Variants in RIMBP2 observed in about 807,000 individuals in gnomAD.
RIMBP2 encodes RIMS-binding protein 2.
A neutral mutation model predicts 118.6 loss-of-function variants in RIMBP2; 48 were observed. The observed-to-expected ratio is 0.40, with a 90% confidence interval of 0.32 to 0.51. The LOEUF is 0.51. Ranked by LOEUF, RIMBP2 falls within the 20% of genes least tolerant of loss-of-function variation. The pLI, the probability that RIMBP2 is intolerant of heterozygous loss-of-function variation, is 0.41. For synonymous variants in RIMBP2, 762 were observed against 742.9 expected (o/e 1.03, Z -0.42); for missense variants, 1,551 against 1,768.3 (o/e 0.88, Z 2.20).
At chr12:130,462,796 C>T (rs1400278639) in intron 6 of RIMBP2, among the ~76,000 whole-genome samples, 2 of 152,264 alleles carry the variant, frequency 1.3e-5, no homozygotes, top group Non-Finnish European at 2.9e-5. Context: ...GGAATGTACC[C>T]TCTCCTGCCT....
intron 4 of RIMBP2, among the ~76,000 whole-genome samples, chr12:130,482,923 C>T (rs1370582580): frequency 1.0e-5 from 1 of 100,228 alleles, no homozygotes; most frequent in Non-Finnish European, 2.0e-5. Context: ...CATCCAAATA[C>T]ACCCATTGTG....
chr12:130,441,791 AG>A, intron 11 of RIMBP2, 56 bp downstream of exon 11: 9 of 1,481,546 alleles, frequency 6.1e-6, no homozygotes, highest in Non-Finnish European at 8.3e-6. Context: ...CCCCACTAGC[AG>A]GGTGACATCC....
At chr12:130,470,829 G>A (rs1593423631) in intron 5 of RIMBP2, 86 bp from the exon 6 acceptor site, 3 of 687,492 alleles carry the variant, frequency 4.4e-6, no homozygotes, top group East Asian at 6.9e-5. Context: ...ACTGGGGGTG[G>A]GGGATCATTT....
chr12:130,517,878 G>A lies in RIMBP2; in HGVS notation c.-177C>T, dbSNP rs898499783. ...GGAAGGCCTGCATGATGGGATCTCA[G>A]GAGATACTCTCCCTGGGTGGCATCC... On this transcript the variant is annotated 5_prime_UTR_variant, in exon 3 of 23. Coordinates refer to ENST00000690449, the MANE Select transcript of RIMBP2 (RefSeq NM_001393629.1). 25 of 985,704 alleles carry A rather than the reference G, an allele frequency of 2.5e-5. No homozygotes were observed. The highest frequency in any genetic ancestry group is 3.6e-6 in the Non-Finnish European group (3 of 829,916). 61.1% of individuals were successfully genotyped at this position (985,704 alleles called of 1,614,324 possible). A position where few individuals can be genotyped will look rare whatever the true frequency, so the allele number is the denominator to read the frequency against.
chr12:130,573,690 C>G (rs2057874079), intron 2 of RIMBP2, among the ~76,000 whole-genome samples: 1 of 151,968 alleles, frequency 6.6e-6, no homozygotes, highest in Admixed American at 6.6e-5. Flanking sequence ...CAGGGGTAGC[C>G]AAGGACATGG....
At chr12:130,435,730 T>G (rs1218680104) in intron 13 of RIMBP2, among the ~76,000 whole-genome samples, 1 of 152,244 alleles carries the variant, frequency 6.6e-6, no homozygotes, top group African/African-American at 2.4e-5. Flanking sequence ...TAGTGGCCAA[T>G]GTCGAACGAA....
At chr12:130,624,612 A>G (rs982046255) in intron 2 of RIMBP2, among the ~76,000 whole-genome samples, 3 of 152,218 alleles carry the variant, frequency 2.0e-5, no homozygotes, top group African/African-American at 4.8e-5. Flanking sequence ...TACTTTATAC[A>G]TCTCTGTGAG....
intron 4 of RIMBP2, among the ~76,000 whole-genome samples, chr12:130,483,407 AAAAT>A (rs1052387883): frequency 3.9e-4 from 59 of 152,378 alleles, no homozygotes; most frequent in African/African-American, 1.3e-3. Flanking sequence ...TAAAAAATTA[AAAAT>A]AAATAAATAA....
rs1271867347 is a variant in RIMBP2, at chr12:130,688,609, G to A, written c.-352+27613C>T. Among the ~76,000 whole-genome samples the A allele has an allele frequency of 3.3e-5, 5 of 151,730 alleles. No individual in the cohort carries two copies. Among genetic ancestry groups the A allele is most frequent in the East Asian group, 3.9e-4 (2 of 5,102 alleles). On this transcript the variant is annotated intron_variant, in intron 1 of 22. Transcript: ENST00000690449. The surrounding 1 kb of genome is among the most constrained non-coding windows in gnomAD (Gnocchi z 4.7). ...CCTTAGGACTCTGAGCACAGCCGGCGGGCATTCTCCCAGCCCTGCAGCAGG... is the reference window on the plus strand; with the variant it reads ...CCTTAGGACTCTGAGCACAGCCGGCAGGCATTCTCCCAGCCCTGCAGCAGG...
chr12:130,492,493 A>T (rs966967789), intron 4 of RIMBP2, among the ~76,000 whole-genome samples: 1 of 152,154 alleles, frequency 6.6e-6, no homozygotes, highest in Non-Finnish European at 1.5e-5. Context: ...TTGGTCTTTG[A>T]TCCTAAAGCC....
At chr12:130,663,320 A>G (rs965011460) in intron 1 of RIMBP2, among the ~76,000 whole-genome samples, 1 of 152,236 alleles carries the variant, frequency 6.6e-6, no homozygotes, top group Non-Finnish European at 1.5e-5. Flanking sequence ...GGAGGGGGCC[A>G]GGCACCTGTT....
At chr12:130,645,179 C>G (rs2062803734) in intron 1 of RIMBP2, among the ~76,000 whole-genome samples, 1 of 151,852 alleles carries the variant, frequency 6.6e-6, no homozygotes. Flanking sequence ...AGCCTCCGTC[C>G]ACCTCCCAGG....
At chr12:130,551,164 CA>C (rs1364252989) in intron 2 of RIMBP2, among the ~76,000 whole-genome samples, 1 of 152,140 alleles carries the variant, frequency 6.6e-6, no homozygotes, top group African/African-American at 2.4e-5. Context: ...GCAGGAATTA[CA>C]AAAAGGAGGG....
At chr12:130,474,223 G>GA (rs2081249025) in intron 5 of RIMBP2, among the ~76,000 whole-genome samples, 1 of 152,194 alleles carries the variant, frequency 6.6e-6, no homozygotes, top group African/African-American at 2.4e-5. Context: ...GTCACATGGA[G>GA]AAAACAATGG....
intron 1 of RIMBP2, among the ~76,000 whole-genome samples, chr12:130,681,128 C>T (rs1274485181): frequency 6.6e-6 from 1 of 152,070 alleles, no homozygotes; most frequent in Non-Finnish European, 1.5e-5. Context: ...GTAAAAGTAG[C>T]TTCCCATACT....
At chr12:130,463,594 G>A (rs1006398045) in intron 6 of RIMBP2, among the ~76,000 whole-genome samples, 1 of 152,094 alleles carries the variant, frequency 6.6e-6, no homozygotes, top group Non-Finnish European at 1.5e-5. Flanking sequence ...GCATCCAAAC[G>A]GGGTGGTTCT....
At chr12:130,593,784 A>G (rs2059411071) in intron 2 of RIMBP2, among the ~76,000 whole-genome samples, 1 of 152,182 alleles carries the variant, frequency 6.6e-6, no homozygotes, top group African/African-American at 2.4e-5. Flanking sequence ...CTCATTGAAA[A>G]TCCCTGGTTT....
chr12:130,642,415 G>T (rs2062664920), intron 1 of RIMBP2, among the ~76,000 whole-genome samples: 1 of 152,194 alleles, frequency 6.6e-6, no homozygotes, highest in African/African-American at 2.4e-5. Flanking sequence ...CTCCTGAGTA[G>T]CTGGGACTAC....
intron 2 of RIMBP2, among the ~76,000 whole-genome samples, chr12:130,609,106 G>C (rs908856156): frequency 6.6e-6 from 1 of 152,114 alleles, no homozygotes; most frequent in African/African-American, 2.4e-5. Flanking sequence ...CTGTATGGAG[G>C]TTCCTCAAAA....
Sources: allele counts gnomAD v4.1 joint callset (sites outside exome capture counted in the v4.1 genomes callset), GRCh38; gene constraint gnomAD v4.1.1; non-coding constraint Gnocchi (gnomAD v3.1); transcripts MANE v1.5; gene names NCBI Gene and HGNC (gene_info 2026-07-23, HGNC 2026-07-21).